Variants in SLC36A1 observed in about 807,000 individuals in gnomAD.
SLC36A1 encodes solute carrier family 36 member 1.
Under a neutral mutation model 47.5 loss-of-function variants are expected in SLC36A1, and 30 were observed. That is an observed-to-expected ratio of 0.63 (90% CI 0.47 to 0.86). The LOEUF is 0.86. Ranked by LOEUF, SLC36A1 falls within the 40% of genes least tolerant of loss-of-function variation. The pLI is 0.00. For missense variants in SLC36A1, 517 were observed against 606.0 expected (o/e 0.85, Z 1.54); for synonymous variants, 255 against 249.7 (o/e 1.02, Z -0.20).
At chr5:151,437,422 G>A (rs1190650969) in intron 1 of SLC36A1, among the ~76,000 whole-genome samples, 1 of 152,108 alleles carries the variant, frequency 6.6e-6, no homozygotes, top group East Asian at 1.9e-4. Context: ...TCTATCTAAA[G>A]CTGCTCTTTT....
chr5:151,348,337 T>C, the SLC36A1 span, among the ~76,000 whole-genome samples: 1 of 152,208 alleles, frequency 6.6e-6, no homozygotes, highest in Non-Finnish European at 1.5e-5. Context: ...GGCGTTTCTC[T>C]AGTATCCCAC....
chr5:151,452,342 G>A (rs908461785), intron 1 of SLC36A1: 1 of 152,226 alleles, frequency 6.6e-6, no homozygotes, highest in Non-Finnish European at 1.5e-5. Context: ...CATGTTTTTA[G>A]AATTCCATCG....
chr5:151,466,936 G>A (rs963895105), intron 5 of SLC36A1, among the ~76,000 whole-genome samples: 10 of 152,214 alleles, frequency 6.6e-5, no homozygotes, highest in South Asian at 2.1e-4. Flanking sequence ...AGGGCATCTC[G>A]TCCTTGTCAC....
intron 3 of SLC36A1, among the ~76,000 whole-genome samples, 165 bp downstream of exon 3, chr5:151,463,808 A>G (rs1755944424): frequency 6.6e-6 from 1 of 152,250 alleles, no homozygotes; most frequent in Non-Finnish European, 1.5e-5. Flanking sequence ...AAAGATATTT[A>G]TTGAGAGTGT....
the SLC36A1 span, chr5:151,505,809 T>C: frequency 1.3e-5 from 21 of 1,613,580 alleles, no homozygotes; most frequent in South Asian, 7.7e-5. Flanking sequence ...CGTGTACTCA[T>C]TGAGACAGGG....
At chr5:151,461,493 A>G (rs116176297) in intron 2 of SLC36A1, among the ~76,000 whole-genome samples, 178 of 152,266 alleles carry the variant, frequency 1.2e-3, no homozygotes, top group African/African-American at 4.1e-3. Context: ...CTGGCTCTCT[A>G]AAGGTGAGCT....
At chr5:151,530,430 T>A in the SLC36A1 span, among the ~76,000 whole-genome samples, 1 of 152,096 alleles carries the variant, frequency 6.6e-6, no homozygotes, top group African/African-American at 2.4e-5. Flanking sequence ...TATGACACTA[T>A]AAAGAGCCAA....
At position 151,441,575 on chromosome 5, in the gene SLC36A1, T is replaced by C. The variant is rs187670365; in HGVS notation, c.-6+4396T>C. 1.8e-4 allele frequency among the ~76,000 whole-genome samples: 28 copies of C among 152,318 alleles called. No homozygotes were observed. In the East Asian group the frequency reaches 3.7e-3, roughly 20 times the overall value. ...AACACCATAAACCTGTATATTTCTA[T>C]ACATACGTATATATTTCTGTAATTG... is the stretch of plus-strand genomic sequence containing the variant. On this transcript the variant is annotated intron_variant, in intron 1 of 8. Coordinates refer to the SLC36A1 transcript ENST00000429484.
rs1048989625 is a variant in SLC36A1 at position 151,490,811 on chromosome 5, G to A, written c.*2557G>A. The A allele has an allele frequency of 5.9e-5, 9 of 152,260 alleles. No individual in the cohort carries two copies. The highest frequency in any genetic ancestry group is 3.3e-4 in the Admixed American group (5 of 15,276). The allele number at this position is 152,260 out of a possible 1,614,324, so 9.4% of individuals were successfully genotyped here. ...TAGGCATCAAGCAAAGGGTCAGCCA[G>A]TCAGTAGTAGTGGGAGGAAGCCCTT... On this transcript the variant is annotated 3_prime_UTR_variant, in exon 11 of 11. Transcript: ENST00000243389.
the SLC36A1 span, among the ~76,000 whole-genome samples, chr5:151,385,322 C>G: frequency 1.3e-5 from 2 of 152,098 alleles, no homozygotes; most frequent in East Asian, 3.8e-4. Flanking sequence ...GGGCATGGCC[C>G]CTGCTCAGTC....
chr5:151,403,357 A>G, the SLC36A1 span, among the ~76,000 whole-genome samples: 3,556 of 152,242 alleles, frequency 0.023, 124 homozygotes, highest in East Asian at 0.14. Flanking sequence ...GGGTGATTAA[A>G]TCATGAGAGT....
chr5:151,433,235 TATATATATATATATATATATATATATA>T (rs1759486727), upstream of SLC36A1, among the ~76,000 whole-genome samples: 2 of 8,370 alleles, frequency 2.4e-4, no homozygotes, highest in African/African-American at 4.5e-4. Context: ...TATATATATA[TATATATATATATATATATATATATATA>T]TATATTTTTT....
chr5:151,550,452 C>T, the SLC36A1 span: 2 of 987,608 alleles, frequency 2.0e-6, no homozygotes, highest in Non-Finnish European at 3.0e-6. Context: ...TGCCCTTAGC[C>T]AGCTGTGAAA....
chr5:151,406,800 C>T, the SLC36A1 span, among the ~76,000 whole-genome samples: 5 of 152,228 alleles, frequency 3.3e-5, no homozygotes, highest in East Asian at 3.9e-4. Flanking sequence ...CTAGTGTGTC[C>T]GGAATTGGTT....
intron 10 of SLC36A1, chr5:151,480,119 G>C: frequency 1.4e-6 from 2 of 1,471,736 alleles, no homozygotes; most frequent in South Asian, 2.7e-5. Flanking sequence ...GTGACATTTA[G>C]AAAATAAAAG....
At chr5:151,493,393 A>G (rs1364883187), downstream of SLC36A1, among the ~76,000 whole-genome samples, 1 of 152,078 alleles carries the variant, frequency 6.6e-6, no homozygotes, top group African/African-American at 2.4e-5. Flanking sequence ...CACCCCCACC[A>G]CCACCACTTC....
At chr5:151,353,227 T>C in the SLC36A1 span, among the ~76,000 whole-genome samples, 18 of 152,154 alleles carry the variant, frequency 1.2e-4, no homozygotes, top group Non-Finnish European at 2.4e-4. Context: ...CTCATAGTAC[T>C]TAGTTAGAGG....
the SLC36A1 span, among the ~76,000 whole-genome samples, chr5:151,408,987 C>A: frequency 1.4e-5 from 2 of 143,424 alleles, no homozygotes; most frequent in Admixed American, 1.4e-4. Flanking sequence ...TTTTTCTTTT[C>A]TTTTCTTTCC....
chr5:151,480,730 G>A (rs993354386), intron 10 of SLC36A1, among the ~76,000 whole-genome samples: 1 of 152,216 alleles, frequency 6.6e-6, no homozygotes, highest in African/African-American at 2.4e-5. Flanking sequence ...TGATTCCAAA[G>A]TGTATGTTTC....
Sources: allele counts gnomAD v4.1 joint callset (sites outside exome capture counted in the v4.1 genomes callset), GRCh38; gene constraint gnomAD v4.1.1; transcripts MANE v1.5; gene names NCBI Gene and HGNC (gene_info 2026-07-23, HGNC 2026-07-21).